Variants in NELL2 observed in about 807,000 individuals in gnomAD.
The protein encoded by NELL2 is neural EGFL like 2.
A neutral mutation model predicts 109.6 loss-of-function variants in NELL2; 41 were observed. The ratio of observed to expected loss-of-function variants is 0.37; its 90% CI spans 0.29 to 0.49. The LOEUF is 0.49. Among genes scored for constraint, NELL2 ranks in the 20% least tolerant of loss-of-function variants. NELL2 has a pLI of 0.98. For synonymous variants in NELL2, 355 were observed against 344.7 expected (o/e 1.03, Z -0.33); for missense variants, 900 against 1,008.3 (o/e 0.89, Z 1.45).
At chr12:44,890,170 T>A (rs891496371) in intron 1 of NELL2, among the ~76,000 whole-genome samples, 6 of 152,166 alleles carry the variant, frequency 3.9e-5, no homozygotes, top group African/African-American at 1.4e-4. Flanking sequence ...TTGACAGTCT[T>A]GGCCAAAGGC....
intron 19 of NELL2, among the ~76,000 whole-genome samples, chr12:44,518,049 A>G (rs1941352344): frequency 6.6e-6 from 1 of 152,214 alleles, no homozygotes. Context: ...AAAACTGAGC[A>G]TATTTTTATG....
intron 9 of NELL2, among the ~76,000 whole-genome samples, chr12:44,721,430 G>A (rs2136454563): frequency 6.6e-6 from 1 of 152,298 alleles, no homozygotes; most frequent in South Asian, 2.1e-4. Context: ...CACACATGAA[G>A]AAAGGTTTCA....
At chr12:44,902,457 C>T (rs1001563467) in intron 1 of NELL2, among the ~76,000 whole-genome samples, 2 of 152,096 alleles carry the variant, frequency 1.3e-5, no homozygotes, top group Non-Finnish European at 2.9e-5. Context: ...GAATTAATAT[C>T]GTGAAAATGG....
intron 9 of NELL2, among the ~76,000 whole-genome samples, chr12:44,756,544 C>T (rs758874310): frequency 2.0e-5 from 3 of 152,066 alleles, no homozygotes; most frequent in Non-Finnish European, 2.9e-5. Flanking sequence ...ATCTGGCGTC[C>T]TTTTCCAGGC....
chr12:44,697,571 A>G (rs1949104104), intron 12 of NELL2, among the ~76,000 whole-genome samples: 1 of 152,224 alleles, frequency 6.6e-6, no homozygotes, highest in Non-Finnish European at 1.5e-5. Flanking sequence ...ACGTTATTTG[A>G]GGATGTGTTG....
At position 44,604,321 on chromosome 12, in the gene NELL2, A is replaced by G. The variant is rs993063922; in HGVS notation, c.1663+2848T>C. 2.6e-5 allele frequency among the ~76,000 whole-genome samples: 4 copies of G among 152,156 alleles called. No individual in the cohort carries two copies. In the East Asian group the frequency reaches 7.7e-4, roughly 29 times the overall value. On this transcript the variant is annotated intron_variant, in intron 15 of 19. Coordinates refer to ENST00000429094, the MANE Select transcript of NELL2 (RefSeq NM_001145108.2). ...AAAGAGAAACACTGGGCTAGAAATCAGAAGACCCAAGTTCTAGAATGTAGA... is the reference window on the plus strand; with the variant it reads ...AAAGAGAAACACTGGGCTAGAAATCGGAAGACCCAAGTTCTAGAATGTAGA...
intron 10 of NELL2, among the ~76,000 whole-genome samples, chr12:44,712,869 A>C (rs1208056847): frequency 6.6e-6 from 1 of 151,886 alleles, no homozygotes; most frequent in Non-Finnish European, 1.5e-5. Flanking sequence ...TATCGGGGAA[A>C]ACAGAAAAAA....
intron 9 of NELL2, among the ~76,000 whole-genome samples, chr12:44,753,046 C>T (rs534285427): frequency 6.6e-6 from 1 of 152,220 alleles, no homozygotes; most frequent in African/African-American, 2.4e-5. Flanking sequence ...TTATGCAGTT[C>T]ATTGAACACA....
intron 11 of NELL2, 50 bp downstream of exon 11, chr12:44,711,242 C>CTTCATGTCAGT: frequency 7.7e-7 from 1 of 1,297,432 alleles, no homozygotes; most frequent in Non-Finnish European, 1.1e-6. Flanking sequence ...TTGTACTAGC[C>CTTCATGTCAGT]TACTATAATA....
intron 8 of NELL2, among the ~76,000 whole-genome samples, chr12:44,775,419 G>A (rs530913590): frequency 6.6e-6 from 1 of 152,286 alleles, no homozygotes; most frequent in African/African-American, 2.4e-5. Flanking sequence ...GAGTTCATGT[G>A]TAATTTAAAA....
chr12:44,648,793 T>A (rs889019655), intron 13 of NELL2, among the ~76,000 whole-genome samples: 3 of 143,400 alleles, frequency 2.1e-5, no homozygotes, highest in African/African-American at 7.9e-5. Context: ...TGGAGTGCAG[T>A]GGCGTGATCT....
At chr12:44,753,859 T>G (rs1020147521) in intron 9 of NELL2, among the ~76,000 whole-genome samples, 1 of 15,452 alleles carries the variant, frequency 6.5e-5, no homozygotes, top group African/African-American at 1.9e-4. Flanking sequence ...GTAAGGAATG[T>G]TTTGTTAAAA....
chr12:44,574,070 TA>T (rs1565949471), intron 15 of NELL2, among the ~76,000 whole-genome samples: 2 of 151,828 alleles, frequency 1.3e-5, no homozygotes, highest in African/African-American at 2.4e-5. Context: ...ATTTTATTTT[TA>T]TTTTTTTTTT....
chr12:44,818,013 T>C (rs545456542), intron 2 of NELL2, among the ~76,000 whole-genome samples: 5 of 152,286 alleles, frequency 3.3e-5, no homozygotes, highest in African/African-American at 1.2e-4. Context: ...AAAGAAACTC[T>C]CCTGTTGCCG....
intron 9 of NELL2, among the ~76,000 whole-genome samples, chr12:44,739,846 C>T (rs764000754): frequency 1.1e-4 from 17 of 152,012 alleles, no homozygotes; most frequent in Admixed American, 5.9e-4. Context: ...GCCAAGATTG[C>T]GCGACTGCAC....
chr12:44,850,220 T>C (rs1944493267), intron 2 of NELL2, among the ~76,000 whole-genome samples: 1 of 152,200 alleles, frequency 6.6e-6, no homozygotes, highest in South Asian at 2.1e-4. Context: ...TAACTTCTAA[T>C]TTAGTAGTCC....
At chr12:44,871,321 G>A (rs1436440667) in intron 2 of NELL2, among the ~76,000 whole-genome samples, 3 of 152,056 alleles carry the variant, frequency 2.0e-5, no homozygotes, top group African/African-American at 7.2e-5. Flanking sequence ...TTGTTCAACG[G>A]CTATTTTTAA....
chr12:44,815,926 T>C (rs1943330166), intron 3 of NELL2, 60 bp downstream of exon 3: 2 of 1,538,332 alleles, frequency 1.3e-6, no homozygotes, highest in South Asian at 2.5e-5. Flanking sequence ...TACTTCTCTT[T>C]AATATATTCA....
chr12:44,865,866 C>T (rs1410507296), intron 2 of NELL2, among the ~76,000 whole-genome samples: 1 of 147,498 alleles, frequency 6.8e-6, no homozygotes, highest in Non-Finnish European at 1.5e-5. Context: ...ATAATGAAAT[C>T]ATATCAAGTA....
Sources: allele counts gnomAD v4.1 joint callset (sites outside exome capture counted in the v4.1 genomes callset), GRCh38; gene constraint gnomAD v4.1.1; transcripts MANE v1.5; gene names NCBI Gene and HGNC (gene_info 2026-07-23, HGNC 2026-07-21).